Variants in SEC61G observed in about 807,000 individuals in gnomAD.
SEC61G encodes protein transport protein Sec61 subunit gamma.
SEC61G carries 4 observed loss-of-function variants against 7.5 expected under a neutral mutation model. That is an observed-to-expected ratio of 0.54 (90% CI 0.26 to 1.22). The LOEUF (loss-of-function observed/expected upper bound fraction) is 1.22, where lower values mean the gene tolerates loss of function less well. SEC61G is among the 50% of genes most tolerant of loss of function. The pLI is 0.12. For missense variants in SEC61G, 53 were observed against 84.6 expected, an observed-to-expected ratio of 0.63 and a Z score of 1.46; for synonymous variants, 24 against 24.4, an observed-to-expected ratio of 0.98 and a Z score of 0.05.
intron 2 of SEC61G, among the ~76,000 whole-genome samples, chr7:54,756,910 T>C (rs921896036): frequency 6.7e-6 from 1 of 148,184 alleles, no homozygotes; most frequent in Non-Finnish European, 1.5e-5. Context: ...CTATAATATA[T>C]ACATGTTATA....
intron 1 of SEC61G, among the ~76,000 whole-genome samples, chr7:54,758,101 G>A (rs117415615): frequency 6.6e-6 from 1 of 152,290 alleles, no homozygotes; most frequent in Non-Finnish European, 1.5e-5. Flanking sequence ...AGAGGCAAAC[G>A]TGAATTTCAA....
chr7:54,756,482 C>T (rs2116346317), intron 2 of SEC61G, among the ~76,000 whole-genome samples: 1 of 152,234 alleles, frequency 6.6e-6, no homozygotes, highest in African/African-American at 2.4e-5. Flanking sequence ...ATGGTGAAAC[C>T]CTGGCTCCAC....
rs185064186 is a variant in SEC61G at position 54,755,335 on chromosome 7, G to T, written c.197+444C>A. On this transcript the variant is annotated intron_variant, in intron 3 of 3. Transcript: ENST00000352861. ...AATAAACTGGGCACAGAGAGGTTAGGCAAATTGCCTGAAGCTAGGACAGCT... is the reference window on the plus strand; with the variant it reads ...AATAAACTGGGCACAGAGAGGTTAGTCAAATTGCCTGAAGCTAGGACAGCT... 411 of 152,520 alleles carry T rather than the reference G, an allele frequency of 2.7e-3. 4 individuals are homozygous for T. Among genetic ancestry groups the T allele is most frequent in the Non-Finnish European group, 4.8e-3 (326 of 68,192 alleles). 9.4% of individuals were successfully genotyped at this position (152,520 alleles called of 1,614,324 possible). A position where few individuals can be genotyped will look rare whatever the true frequency, so the allele number is the denominator to read the frequency against.
At chr7:54,753,569 G>C (rs923226871) in intron 3 of SEC61G, among the ~76,000 whole-genome samples, 10 of 152,116 alleles carry the variant, frequency 6.6e-5, no homozygotes, top group Non-Finnish European at 7.4e-5. Context: ...CTTTCAAGCA[G>C]GGAAAGCAAG....
chr7:54,759,002 G>T, intron 1 of SEC61G, 156 bp downstream of exon 1: 1 of 323,478 alleles, frequency 3.1e-6, no homozygotes, highest in Non-Finnish European at 6.2e-6. Flanking sequence ...GGATGTCGGC[G>T]GCCAGACCCC....
chr7:54,752,899 G>A lies in SEC61G; in HGVS notation c.198-479C>T, dbSNP rs1050409944. ...AACAAAAATCACCTTTTCTACAGAA[G>A]AACTTCTGAGTTTTAAAAGCATAAA... On this transcript the variant is annotated intron_variant, in intron 3 of 3. Coordinates refer to ENST00000352861, the MANE Select transcript of SEC61G (RefSeq NM_014302.4). Among the ~76,000 whole-genome samples, 7 of 152,288 alleles carry A rather than the reference G, an allele frequency of 4.6e-5. No homozygotes were observed. The East Asian group carries it at 1.4e-3, about 29-fold the overall frequency.
In SEC61G at chr7:54,757,606, A is replaced by T; in HGVS notation, c.-6-12T>A. 6.2e-7 allele frequency: 1 copy of T among 1,606,042 alleles called. No individual in the cohort carries two copies. The highest frequency in any genetic ancestry group is 8.5e-7 in the Non-Finnish European group (1 of 1,173,152). On this transcript the variant is annotated splice_polypyrimidine_tract_variant and intron_variant, in intron 1 of 3. Coordinates refer to ENST00000352861, the MANE Select transcript of SEC61G (RefSeq NM_014302.4). ...TGATCCATGACTGCCTGTTTAAAAC[A>T]AAAAAGATACTCACTGGTATTGGTT...
chr7:54,755,285 C>CA, intron 3 of SEC61G: 1 of 152,314 alleles, frequency 6.6e-6, no homozygotes. Flanking sequence ...AGTCATAATC[C>CA]AAGTAAGAAC....
chr7:54,756,576 C>G (rs932944740), intron 2 of SEC61G, among the ~76,000 whole-genome samples: 2 of 152,142 alleles, frequency 1.3e-5, no homozygotes, highest in African/African-American at 2.4e-5. Flanking sequence ...TTGCTTGAAC[C>G]CAGGAGGCGG....
intron 1 of SEC61G, among the ~76,000 whole-genome samples, 152 bp from the exon 2 acceptor site, chr7:54,757,746 A>C (rs1369131146): frequency 6.6e-6 from 1 of 152,250 alleles, no homozygotes; most frequent in African/African-American, 2.4e-5. Flanking sequence ...AACAAACTCC[A>C]AAGCCTAAAT....
At chr7:54,752,885 C>T (rs1791441780) in intron 3 of SEC61G, among the ~76,000 whole-genome samples, 2 of 152,156 alleles carry the variant, frequency 1.3e-5, no homozygotes, top group African/African-American at 4.8e-5. Context: ...ACAAAAATCA[C>T]CTTTTCTACA....
At chr7:54,756,148 TTTC>T (rs1387532660) in intron 2 of SEC61G, among the ~76,000 whole-genome samples, 1 of 152,206 alleles carries the variant, frequency 6.6e-6, no homozygotes, top group Admixed American at 6.5e-5. Flanking sequence ...AAAAATATTT[TTTC>T]TTCTTAGCAA....
chr7:54,753,816 T>C (rs563726495), intron 3 of SEC61G, among the ~76,000 whole-genome samples: 1 of 152,316 alleles, frequency 6.6e-6, no homozygotes, highest in South Asian at 2.1e-4. Context: ...GCAATCTGAG[T>C]AGATTACTTA....
intron 1 of SEC61G, among the ~76,000 whole-genome samples, chr7:54,758,833 G>A (rs1267866432): frequency 1.3e-5 from 2 of 152,176 alleles, no homozygotes; most frequent in Non-Finnish European, 2.9e-5. Context: ...AGCACACAGA[G>A]CCAACCCCGA....
intron 2 of SEC61G, among the ~76,000 whole-genome samples, chr7:54,756,993 TTATATAC>T (rs992651751): frequency 2.1e-4 from 31 of 146,934 alleles, no homozygotes; most frequent in Admixed American, 1.2e-3. Context: ...ATATACTATA[TTATATAC>T]TATATACTAT....
At chr7:54,755,997 T>C (rs1287854144) in intron 2 of SEC61G, 116 bp from the exon 3 acceptor site, 8 of 478,980 alleles carry the variant, frequency 1.7e-5, no homozygotes, top group Non-Finnish European at 3.0e-5. Flanking sequence ...TGTTAATAGA[T>C]ATATAATTTA....
intron 3 of SEC61G, chr7:54,755,004 A>C (rs1316015242): frequency 6.6e-6 from 1 of 152,212 alleles, no homozygotes; most frequent in Non-Finnish European, 1.5e-5. Flanking sequence ...CAAAGTAAGT[A>C]CTGAAACTCA....
At chr7:54,758,211 C>A (rs1791559274) in intron 1 of SEC61G, among the ~76,000 whole-genome samples, 1 of 152,192 alleles carries the variant, frequency 6.6e-6, no homozygotes, top group Non-Finnish European at 1.5e-5. Context: ...AGCTAAATTT[C>A]AAACTTTTCG....
In SEC61G at chr7:54,757,612, G is replaced by A; in HGVS notation, c.-6-18C>T. The A allele has an allele frequency of 6.3e-7, 1 of 1,595,464 alleles. No individual in the cohort carries two copies. Among genetic ancestry groups the A allele is most frequent in the South Asian group, 1.1e-5 (1 of 90,612 alleles). The stretch of plus-strand genomic sequence containing the variant: ...ATGACTGCCTGTTTAAAACAAAAAA[G>A]ATACTCACTGGTATTGGTTCTCATA... On this transcript the variant is annotated intron_variant, in intron 1 of 3. Coordinates refer to ENST00000352861, the MANE Select transcript of SEC61G (RefSeq NM_014302.4).
Sources: gnomAD v4.1 joint callset for allele counts (sites outside exome capture counted in the v4.1 genomes callset) on GRCh38, gnomAD v4.1.1 for gene constraint, MANE v1.5 for transcripts, NCBI Gene and HGNC (gene_info 2026-07-23, HGNC 2026-07-21) for gene names.